Variants in MYSM1 observed in about 807,000 individuals in gnomAD.
MYSM1 encodes the protein deubiquitinase MYSM1.
In MYSM1, 51 loss-of-function variants were observed where a neutral mutation model predicts 116.0. That is an observed-to-expected ratio of 0.44 (90% CI 0.35 to 0.56). The LOEUF (loss-of-function observed/expected upper bound fraction) is 0.56. MYSM1 is among the 20% of genes least tolerant of loss of function. MYSM1 has a pLI of 0.00. For missense variants in MYSM1, 900 were observed against 974.9 expected, an observed-to-expected ratio of 0.92 and a Z score of 1.02; for synonymous variants, 313 against 315.2, an observed-to-expected ratio of 0.99 and a Z score of 0.07.
chr1:58,655,054 T>C lies in MYSM1; in HGVS notation c.*4943A>G, dbSNP rs529549974. 15 of 152,192 alleles carry C rather than the reference T, an allele frequency of 9.9e-5. No individual in the cohort carries two copies. The highest frequency in any genetic ancestry group is 3.9e-4 in the East Asian group (2 of 5,184). 9.4% of individuals were successfully genotyped at this position (152,192 alleles called of 1,614,324 possible). ...AACACTGATAGCATTTGGAAAAAAA[T>C]AGCAACAAGTTTATCAATAACCATG... On this transcript the variant is annotated 3_prime_UTR_variant, in exon 20 of 20. Transcript: ENST00000472487.
At position 58,695,141 on chromosome 1, in the gene MYSM1, C is replaced by T; in HGVS notation, c.135G>A (p.Glu45=). Residue 45 remains glutamate (E), a synonymous_variant, in exon 2 of 20, where the codon GAG becomes GAA. Transcript: ENST00000472487. ...ATAAAATACTTACAATAAGGCCATT[C>T]TCTGTTCTCCAAGATGAATCAAGAT... ...DHYLDSSWRT[E]NGLIPWTLDN... is the part of the protein sequence containing the mutation. The T allele has an allele frequency of 6.3e-7, 1 of 1,598,438 alleles. No individual in the cohort carries two copies. The highest frequency in any genetic ancestry group is 1.1e-5 in the South Asian group (1 of 90,676).
At chr1:58,669,926 A>G (rs932797671) in intron 12 of MYSM1, among the ~76,000 whole-genome samples, 18 of 152,064 alleles carry the variant, frequency 1.2e-4, no homozygotes, top group Non-Finnish European at 2.2e-4. Flanking sequence ...AAAAGCACAC[A>G]TAAATCTCAG....
intron 6 of MYSM1, among the ~76,000 whole-genome samples, chr1:58,687,208 T>A (rs1161685060): frequency 2.0e-5 from 3 of 152,130 alleles, no homozygotes; most frequent in African/African-American, 7.2e-5. Flanking sequence ...TAGGAAAACA[T>A]TCCAAGTTTA....
intron 9 of MYSM1, 89 bp downstream of exon 9, chr1:58,676,837 T>G: frequency 7.3e-7 from 1 of 1,377,328 alleles, no homozygotes; most frequent in Non-Finnish European, 9.9e-7. Flanking sequence ...TACCTATAAC[T>G]ACTTGAATTC....
intron 10 of MYSM1, 55 bp downstream of exon 10, chr1:58,675,422 A>C (rs1320907689): frequency 7.6e-7 from 1 of 1,323,258 alleles, no homozygotes; most frequent in Non-Finnish European, 1.1e-6. Context: ...CGTAAACCAC[A>C]CTAAACAGAG....
intron 2 of MYSM1, 93 bp from the exon 3 acceptor site, chr1:58,693,024 AT>A (rs1644924463): frequency 1.0e-6 from 1 of 986,530 alleles, no homozygotes; most frequent in African/African-American, 1.7e-5. Context: ...TATAATGATT[AT>A]AAATGACAGT....
chr1:58,667,832 A>G lies in MYSM1; in HGVS notation c.1842+15T>C, dbSNP rs768959869. 42 of 1,528,846 alleles carry G rather than the reference A, an allele frequency of 2.7e-5. No individual in the cohort carries two copies. The highest frequency in any genetic ancestry group is 3.8e-5 in the Non-Finnish European group (42 of 1,103,054). The allele number at this position is 1,528,846 out of a possible 1,614,324, so 94.7% of individuals were successfully genotyped here. A position where few individuals can be genotyped will look rare whatever the true frequency, so the allele number is the denominator to read the frequency against. On this transcript the variant is annotated intron_variant, in intron 15 of 19. Transcript: ENST00000472487. ...ACTAAATAACTAAAACATTTTTTTA[A>G]AAGAGAGAACTTACTTCAACTACTT...
intron 1 of MYSM1, among the ~76,000 whole-genome samples, chr1:58,698,088 A>ATG (rs1645005384): frequency 3.5e-5 from 1 of 28,732 alleles, no homozygotes; most frequent in Non-Finnish European, 6.8e-5. Flanking sequence ...ATCAGACTAT[A>ATG]TATATATATA....
At position 58,659,880 on chromosome 1, in the gene MYSM1, G is replaced by A; in HGVS notation, c.*117C>T. ...ATTTATGTGGCAAAGTTTGGATTTT[G>A]TGAAATAGAGAAAAAATACCAAAGC... On this transcript the variant is annotated 3_prime_UTR_variant, in exon 20 of 20. Coordinates refer to ENST00000472487, the MANE Select transcript of MYSM1 (RefSeq NM_001085487.3). The A allele has an allele frequency of 1.4e-6, 1 of 715,978 alleles. No homozygotes were observed. Among genetic ancestry groups the A allele is most frequent in the Non-Finnish European group, 2.1e-6 (1 of 465,724 alleles). 44.4% of individuals were successfully genotyped at this position (715,978 alleles called of 1,614,324 possible).
chr1:58,686,787 GTAGAAGAGTAGGGACTTGGGCAC>G (rs1407176752), intron 6 of MYSM1, among the ~76,000 whole-genome samples: 12 of 152,034 alleles, frequency 7.9e-5, no homozygotes, highest in African/African-American at 2.9e-4. Flanking sequence ...GATATGATTA[GTAGAAGAGTAGGGACTTGGGCAC>G]TAGAAAAATT....
At chr1:58,665,072 G>C (rs1644447652) in intron 17 of MYSM1, among the ~76,000 whole-genome samples, 1 of 152,158 alleles carries the variant, frequency 6.6e-6, no homozygotes, top group East Asian at 1.9e-4. Flanking sequence ...TACAAATTGA[G>C]TTAGTCATTG....
intron 12 of MYSM1, among the ~76,000 whole-genome samples, chr1:58,670,020 C>G (rs1168253123): frequency 1.3e-5 from 2 of 151,964 alleles, no homozygotes; most frequent in African/African-American, 4.8e-5. Context: ...GAAAGAAAAA[C>G]ACACAGGAAT....
In MYSM1 at chr1:58,657,698, T is replaced by G. The variant is rs986306835; in HGVS notation, c.*2299A>C. ...CACTGAGATATTTGTACTTCACACT[T>G]CTCTGTATTTTAAAATATACTTTAC... On this transcript the variant is annotated 3_prime_UTR_variant, in exon 20 of 20. Coordinates refer to ENST00000472487, the MANE Select transcript of MYSM1 (RefSeq NM_001085487.3). 1 of 150,302 alleles carries G rather than the reference T, an allele frequency of 6.7e-6. No homozygotes were observed. The highest frequency in any genetic ancestry group is 1.5e-5 in the Non-Finnish European group (1 of 66,956). The allele number at this position is 150,302 out of a possible 1,614,324, so 9.3% of individuals were successfully genotyped here.
At chr1:58,672,049 G>A (rs1644569726) in intron 11 of MYSM1, 91 bp from the exon 12 acceptor site, 1 of 932,468 alleles carries the variant, frequency 1.1e-6, no homozygotes, top group Admixed American at 2.4e-5. Context: ...AAGGGCATGT[G>A]AGGACAAGAG....
intron 5 of MYSM1, chr1:58,689,751 C>T (rs1644877131): frequency 6.4e-6 from 1 of 155,534 alleles, no homozygotes. Context: ...GTAAACCACC[C>T]TTTAAAGGAC....
At chr1:58,662,318 A>T (rs986514276) in intron 17 of MYSM1, among the ~76,000 whole-genome samples, 1 of 152,190 alleles carries the variant, frequency 6.6e-6, no homozygotes, top group Non-Finnish European at 1.5e-5. Context: ...ATGCAAATGC[A>T]TCTATAGCAT....
At position 58,657,836 on chromosome 1, in the gene MYSM1, A is replaced by T. The variant is rs1644338896; in HGVS notation, c.*2161T>A. 1 of 152,174 alleles carries T rather than the reference A, an allele frequency of 6.6e-6. No individual in the cohort carries two copies. Among genetic ancestry groups the T allele is most frequent in the African/African-American group, 2.4e-5 (1 of 41,434 alleles). The allele number at this position is 152,174 out of a possible 1,614,324, so 9.4% of individuals were successfully genotyped here. On this transcript the variant is annotated 3_prime_UTR_variant, in exon 20 of 20. Transcript: ENST00000472487. ...CCTTGAGATCCTCGCAATATGGCTT[A>T]GATTAGCAAATATGGTTAAACATTG...
chr1:58,696,470 C>T (rs925678699), intron 1 of MYSM1, among the ~76,000 whole-genome samples: 1 of 152,152 alleles, frequency 6.6e-6, no homozygotes, highest in African/African-American at 2.4e-5. Context: ...ACCACCATCT[C>T]CGTAGTTATC....
chr1:58,657,701 C>T lies in MYSM1; in HGVS notation c.*2296G>A, dbSNP rs1453459098. 1 of 151,996 alleles carries T rather than the reference C, an allele frequency of 6.6e-6. No individual in the cohort carries two copies. The highest frequency in any genetic ancestry group is 2.4e-5 in the African/African-American group (1 of 41,382). The allele number at this position is 151,996 out of a possible 1,614,324, so 9.4% of individuals were successfully genotyped here. On this transcript the variant is annotated 3_prime_UTR_variant, in exon 20 of 20. Transcript: ENST00000472487. ...TGAGATATTTGTACTTCACACTTCT[C>T]TGTATTTTAAAATATACTTTACAAG...
Sources: allele counts gnomAD v4.1 joint callset (sites outside exome capture counted in the v4.1 genomes callset), GRCh38; gene constraint gnomAD v4.1.1; transcripts MANE v1.5; gene names NCBI Gene and HGNC (gene_info 2026-07-23, HGNC 2026-07-21).